Variants in PDE1A observed in about 807,000 individuals in gnomAD.
PDE1A encodes dual specificity calcium/calmodulin-dependent 3',5'-cyclic nucleotide phosphodiesterase 1A.
A neutral mutation model predicts 61.7 loss-of-function variants in PDE1A; 35 were observed. That is an observed-to-expected ratio of 0.57 (90% CI 0.43 to 0.75). The LOEUF is 0.75. Among genes scored for constraint, PDE1A ranks in the 30% least tolerant of loss-of-function variants. PDE1A has a pLI of 0.00. For missense variants in PDE1A, 597 were observed against 630.6 expected, an observed-to-expected ratio of 0.95 and a Z score of 0.57; for synonymous variants, 232 against 213.2, an observed-to-expected ratio of 1.09 and a Z score of -0.77.
intron 2 of PDE1A, among the ~76,000 whole-genome samples, chr2:182,243,897 C>A (rs898846534): frequency 6.6e-6 from 1 of 152,128 alleles, no homozygotes; most frequent in Non-Finnish European, 1.5e-5. Context: ...GATGGAGTTT[C>A]GCTCTTGATG....
chr2:182,578,655 G>A, the PDE1A span, among the ~76,000 whole-genome samples: 3 of 152,140 alleles, frequency 2.0e-5, no homozygotes, highest in South Asian at 6.2e-4. Flanking sequence ...AAAGTATACT[G>A]CTATTTAAAA....
chr2:182,628,951 G>A, the PDE1A span, among the ~76,000 whole-genome samples: 40 of 152,140 alleles, frequency 2.6e-4, no homozygotes, highest in Admixed American at 5.9e-4. Flanking sequence ...ATTTCATTTC[G>A]TAAGACTCCA....
intron 3 of PDE1A, among the ~76,000 whole-genome samples, chr2:182,239,559 G>A (rs1211648510): frequency 6.6e-6 from 1 of 151,932 alleles, no homozygotes. Context: ...GATATAACTA[G>A]GCGTTTCTAG....
intron 1 of PDE1A, among the ~76,000 whole-genome samples, chr2:182,383,669 A>G (rs1452689983): frequency 6.6e-6 from 1 of 152,174 alleles, no homozygotes; most frequent in African/African-American, 2.4e-5. Context: ...GAAACCATTC[A>G]TGCATGGAAA....
chr2:182,714,092 GTTC>G, the PDE1A span, among the ~76,000 whole-genome samples: 1 of 151,988 alleles, frequency 6.6e-6, no homozygotes, highest in African/African-American at 2.4e-5. Context: ...TCCTGTATGG[GTTC>G]TTCTTCTTCA....
chr2:182,672,662 T>C, the PDE1A span, among the ~76,000 whole-genome samples: 1 of 152,216 alleles, frequency 6.6e-6, no homozygotes, highest in Non-Finnish European at 1.5e-5. Context: ...CTGGAGCACA[T>C]TGACCAGCCG....
At chr2:182,147,099 G>C in exon 14 of PDE1A, 5 of 1,606,612 alleles carry the variant, frequency 3.1e-6, no homozygotes, top group Non-Finnish European at 4.3e-6. Context: ...GTCTCATCAT[G>C]TTTTTCTTCA....
the PDE1A span, among the ~76,000 whole-genome samples, chr2:182,681,660 G>GT: frequency 1.3e-5 from 2 of 150,894 alleles, no homozygotes; most frequent in Admixed American, 1.3e-4. Flanking sequence ...CTTTCTCTTT[G>GT]TTTTTTTGTT....
At chr2:182,600,764 A>T in the PDE1A span, among the ~76,000 whole-genome samples, 1 of 152,198 alleles carries the variant, frequency 6.6e-6, no homozygotes, top group Non-Finnish European at 1.5e-5. Context: ...CGTGTGGTAG[A>T]CTGTTTGCAA....
At chr2:182,245,492 T>C (rs1377858031) in intron 2 of PDE1A, among the ~76,000 whole-genome samples, 1 of 152,144 alleles carries the variant, frequency 6.6e-6, no homozygotes, top group African/African-American at 2.4e-5. Flanking sequence ...ATCCCTATAC[T>C]TCATCTATTC....
the PDE1A span, among the ~76,000 whole-genome samples, chr2:182,575,200 G>A: frequency 6.6e-6 from 1 of 152,052 alleles, no homozygotes; most frequent in East Asian, 1.9e-4. Context: ...TGCCTGGATT[G>A]GGCTGTTGTC....
the PDE1A span, among the ~76,000 whole-genome samples, chr2:182,556,611 G>C: frequency 1.3e-5 from 2 of 152,136 alleles, no homozygotes; most frequent in Non-Finnish European, 2.9e-5. Context: ...AGTCCAATGA[G>C]CCCTTTAAAC....
intron 2 of PDE1A, chr2:182,522,209 A>G: frequency 1.5e-6 from 2 of 1,348,980 alleles, no homozygotes; most frequent in Non-Finnish European, 2.1e-6. Flanking sequence ...GGCGGATAGC[A>G]CCAACAATTA....
chr2:182,279,393 A>G (rs2125845212), intron 1 of PDE1A, among the ~76,000 whole-genome samples: 1 of 150,988 alleles, frequency 6.6e-6, no homozygotes, highest in East Asian at 2.0e-4. Context: ...CCATCAAAAC[A>G]GAATGGCTTT....
chr2:182,454,391 C>T (rs1363282830), intron 2 of PDE1A, among the ~76,000 whole-genome samples: 2 of 152,160 alleles, frequency 1.3e-5, no homozygotes, highest in Admixed American at 6.6e-5. Flanking sequence ...CTACCAATGC[C>T]TTTCTTCACA....
chr2:182,566,685 C>T, the PDE1A span, among the ~76,000 whole-genome samples: 2 of 151,980 alleles, frequency 1.3e-5, no homozygotes, highest in Non-Finnish European at 2.9e-5. Flanking sequence ...ATATTTGAGT[C>T]CAAACTTCTA....
At chr2:182,648,511 C>CAAAAAAAAAAA in the PDE1A span, among the ~76,000 whole-genome samples, 14 of 76,190 alleles carry the variant, frequency 1.8e-4, no homozygotes, top group African/African-American at 2.3e-4. Flanking sequence ...CCTGTCCCCA[C>CAAAAAAAAAAA]AAAAAAAAAA....
Position 182,500,733 on chromosome 2 carries a change from A to G in PDE1A, c.101+21543T>C, listed in dbSNP as rs543975302. Reference sequence around the variant, plus strand: ...CATGAAAACAGAAGATTCCATTTCCAAAAGGCCAAAAGTAGATGTAAAATC... The same window carrying G: ...CATGAAAACAGAAGATTCCATTTCCGAAAGGCCAAAAGTAGATGTAAAATC... On this transcript the variant is annotated intron_variant, in intron 2 of 14. Transcript: ENST00000410103. Among the ~76,000 whole-genome samples, 3 of 152,372 alleles carry G rather than the reference A, an allele frequency of 2.0e-5. No individual in the cohort carries two copies. In the South Asian group the frequency reaches 6.2e-4, roughly 32 times the overall value.
the PDE1A span, among the ~76,000 whole-genome samples, chr2:182,714,059 T>C: frequency 6.6e-6 from 1 of 152,222 alleles, no homozygotes; most frequent in Non-Finnish European, 1.5e-5. Context: ...CTTTTGCCCA[T>C]CTCTGATCAT....
Sources: gnomAD v4.1 joint callset for allele counts (sites outside exome capture counted in the v4.1 genomes callset) on GRCh38, gnomAD v4.1.1 for gene constraint, MANE v1.5 for transcripts, NCBI Gene and HGNC (gene_info 2026-07-23, HGNC 2026-07-21) for gene names.